The following APC variants were observed in gnomAD, a reference collection of about 807,000 sequenced individuals.
APC encodes the protein APC regulator of Wnt signaling pathway.
In APC, 72 loss-of-function variants were observed where a neutral mutation model predicts 247.0. That is an observed-to-expected ratio of 0.29 (90% CI 0.24 to 0.35). The LOEUF is 0.35. Ranked by LOEUF, APC falls within the 10% of genes least tolerant of loss-of-function variation. The pLI, the probability that APC is intolerant of heterozygous loss-of-function variation, is 1.00. For synonymous variants in APC, 1,254 were observed against 1,162.5 expected (o/e 1.08, Z -1.60); for missense variants, 3,400 against 3,360.7 (o/e 1.01, Z -0.29).
At position 112,838,410 on chromosome 5, in the gene APC, A is replaced by C. The variant is rs746315255; in HGVS notation, c.2816A>C (p.Lys939Thr). Residue 939 changes from lysine (K) to threonine (T), a missense_variant, in exon 16 of 16, where the codon AAG becomes ACG. Transcript: ENST00000257430. The part of the protein sequence containing the change: ...HTHSNTYNFT[K>T]SENSNRTCSM... ...CATTCAAACACTTACAATTTCACTA[A>C]GTCGGAAAATTCAAATAGGACATGT... 1.2e-6 allele frequency: 2 copies of C among 1,614,214 alleles called. No individual in the cohort carries two copies. Among genetic ancestry groups the C allele is most frequent in the East Asian group, 4.5e-5 (2 of 44,882 alleles).
At chr5:112,776,349 A>G (rs1030158940) in intron 5 of APC, among the ~76,000 whole-genome samples, 5 of 152,230 alleles carry the variant, frequency 3.3e-5, no homozygotes, top group Non-Finnish European at 7.3e-5. Flanking sequence ...CCTGCATATA[A>G]TGAATGTGTT....
At chr5:112,720,383 A>G (rs1751416891) in intron 1 of APC, among the ~76,000 whole-genome samples, 1 of 152,204 alleles carries the variant, frequency 6.6e-6, no homozygotes, top group Non-Finnish European at 1.5e-5. Flanking sequence ...TTAGATTCAA[A>G]TAGCTTTTTG....
rs2545158 is a variant in APC at position 112,804,048 on chromosome 5, A to G, written c.834+2665A>G. The stretch of plus-strand genomic sequence containing the variant: ...CTTCAACTTCTTCAGTTCCTTGAGT[A>G]TGTCCAGGCCTTCCACAGGACATTC... On this transcript the variant is annotated intron_variant, in intron 8 of 15. Transcript: ENST00000257430. 0.4 allele frequency among the ~76,000 whole-genome samples: 60,050 copies of G among 151,948 alleles called. 14,344 individuals are homozygous for G. The highest frequency in any genetic ancestry group is 0.69 in the East Asian group (3,536 of 5,160).
intron 11 of APC, among the ~76,000 whole-genome samples, chr5:112,824,988 A>G (rs897917439): frequency 4.6e-5 from 7 of 152,176 alleles, no homozygotes; most frequent in African/African-American, 9.7e-5. Context: ...TGAACTGACT[A>G]TGTGACATCT....
rs17134989 is a variant in APC at position 112,825,864 on chromosome 5, C to T, written c.1409-1244C>T. 4.2e-3 allele frequency among the ~76,000 whole-genome samples: 647 copies of T among 152,276 alleles called. 3 individuals carry two copies. Among genetic ancestry groups the T allele is most frequent in the African/African-American group, 0.013 (548 of 41,542 alleles). On this transcript the variant is annotated intron_variant, in intron 11 of 15. Coordinates refer to ENST00000257430, the MANE Select transcript of APC (RefSeq NM_000038.6). ...TCATCTATCTTTGCTCCAATCTGTA[C>T]GCTCTTCATAAAGACAGTGACTGAT...
chr5:112,784,797 C>G lies in APC; in HGVS notation c.645+3894C>G, dbSNP rs145718199. ...TAAGAATAGAATGAAAGTTTTTAAA[C>G]ATAAGTATTACCACAAACCAGAAGC... On this transcript the variant is annotated intron_variant, in intron 6 of 15. Coordinates refer to ENST00000257430, the MANE Select transcript of APC (RefSeq NM_000038.6). 4.4e-3 allele frequency among the ~76,000 whole-genome samples: 674 copies of G among 152,218 alleles called. 7 individuals carry two copies. The highest frequency in any genetic ancestry group is 0.016 in the African/African-American group (651 of 41,526).
chr5:112,804,562 T>C (rs912627141), intron 8 of APC, among the ~76,000 whole-genome samples: 2 of 152,148 alleles, frequency 1.3e-5, no homozygotes, highest in Admixed American at 6.6e-5. Flanking sequence ...GTATTTTTAG[T>C]AGATACAGGG....
At chr5:112,716,353 GTATTA>G in intron 1 of APC, among the ~76,000 whole-genome samples, 1 of 152,140 alleles carries the variant, frequency 6.6e-6, no homozygotes, top group Non-Finnish European at 1.5e-5. Flanking sequence ...TTATTTGGAA[GTATTA>G]TATTTTTATT....
At chr5:112,714,726 A>G (rs1460618494) in intron 1 of APC, among the ~76,000 whole-genome samples, 3 of 152,198 alleles carry the variant, frequency 2.0e-5, no homozygotes, top group African/African-American at 7.2e-5. Context: ...CTAAACATCT[A>G]TCCCTAAAAA....
intron 1 of APC, among the ~76,000 whole-genome samples, chr5:112,725,324 G>A (rs752836842): frequency 4.6e-5 from 7 of 152,118 alleles, no homozygotes; most frequent in Non-Finnish European, 5.9e-5. Flanking sequence ...AGGTATTCCA[G>A]GCAGTTGTTA....
At chr5:112,721,857 A>G (rs765588690) in intron 1 of APC, among the ~76,000 whole-genome samples, 10 of 152,180 alleles carry the variant, frequency 6.6e-5, no homozygotes, top group African/African-American at 1.7e-4. Context: ...CACTAACACT[A>G]ACAATAGCTG....
intron 2 of APC, among the ~76,000 whole-genome samples, chr5:112,756,221 C>T (rs936426886): frequency 1.1e-4 from 16 of 152,302 alleles, no homozygotes; most frequent in Middle Eastern, 3.4e-3. Context: ...AACCTTTGCT[C>T]ATGTGTCCTA....
At chr5:112,710,529 A>G (rs1013202627) in intron 1 of APC, among the ~76,000 whole-genome samples, 1 of 151,834 alleles carries the variant, frequency 6.6e-6, no homozygotes, top group Non-Finnish European at 1.5e-5. Flanking sequence ...CTTCCTGTCC[A>G]CCTTCTTCAG....
intron 4 of APC, among the ~76,000 whole-genome samples, chr5:112,773,475 A>AAT (rs1327235491): frequency 6.6e-6 from 1 of 152,142 alleles, no homozygotes; most frequent in Non-Finnish European, 1.5e-5. Flanking sequence ...TGCAGTCAAA[A>AAT]ATATATATAT....
rs370348573 is a variant in APC at position 112,716,319 on chromosome 5, A to G, written c.165+8437A>G. On this transcript the variant is annotated intron_variant, in intron 1 of 13. Coordinates refer to the APC transcript ENST00000507379. ...CTTAAGATGTTTTCAGATTTCTGTT[A>G]TGATTTATACTTTGACTTTTGGATT... Among the ~76,000 whole-genome samples, 24 of 152,238 alleles carry G rather than the reference A, an allele frequency of 1.6e-4. No individual in the cohort carries two copies. In the East Asian group the frequency reaches 4.2e-3, roughly 27 times the overall value.
At chr5:112,808,546 T>C (rs1268938357) in intron 8 of APC, among the ~76,000 whole-genome samples, 1 of 152,088 alleles carries the variant, frequency 6.6e-6, no homozygotes, top group African/African-American at 2.4e-5. Flanking sequence ...CTCCTGGGCT[T>C]AAGCGATCCT....
chr5:112,817,196 A>G (rs1486199874), intron 9 of APC, among the ~76,000 whole-genome samples: 1 of 152,172 alleles, frequency 6.6e-6, no homozygotes, highest in East Asian at 1.9e-4. Flanking sequence ...ATTCACTAAG[A>G]TGAAATGAAA....
chr5:112,764,245 CAAAAAA>C (rs71683434), intron 2 of APC, among the ~76,000 whole-genome samples: 2 of 105,248 alleles, frequency 1.9e-5, no homozygotes, highest in African/African-American at 7.2e-5. Context: ...GACTCCGTCT[CAAAAAA>C]AAAAAAAAAA....
intron 1 of APC, among the ~76,000 whole-genome samples, chr5:112,723,404 G>C (rs1384560062): frequency 6.6e-6 from 1 of 152,094 alleles, no homozygotes; most frequent in East Asian, 1.9e-4. Context: ...GGAGGTTGCA[G>C]TGAGCCAAGA....
Sources: allele counts gnomAD v4.1 joint callset (sites outside exome capture counted in the v4.1 genomes callset), GRCh38; gene constraint gnomAD v4.1.1; transcripts MANE v1.5; gene names NCBI Gene and HGNC (gene_info 2026-07-23, HGNC 2026-07-21).